ERC2: variants seen among roughly 807,000 people sequenced by gnomAD.
The protein encoded by ERC2 is ELKS/RAB6-interacting/CAST family member 2, also known as ERC protein 2.
A neutral mutation model predicts 114.8 loss-of-function variants in ERC2; 42 were observed. That is an observed-to-expected ratio of 0.37 (90% CI 0.29 to 0.47). The LOEUF (loss-of-function observed/expected upper bound fraction) is 0.47, where lower values mean the gene tolerates loss of function less well. Ranked by LOEUF, ERC2 falls within the 20% of genes least tolerant of loss-of-function variation. The probability of loss-of-function intolerance (pLI) is 0.99; values close to 1 mark genes in which losing one functional copy is unlikely to be tolerated. For missense variants in ERC2, 939 were observed against 1,150.7 expected, an observed-to-expected ratio of 0.82 and a Z score of 2.66; for synonymous variants, 454 against 425.5, an observed-to-expected ratio of 1.07 and a Z score of -0.82.
At chr3:55,911,447 T>A (rs116044604) in intron 13 of ERC2, among the ~76,000 whole-genome samples, 150 of 152,294 alleles carry the variant, frequency 9.8e-4, no homozygotes, top group African/African-American at 3.5e-3. Flanking sequence ...AGTCTGCCGC[T>A]GATGGCAGAC....
At chr3:55,761,438 G>T (rs1042537626) in intron 14 of ERC2, among the ~76,000 whole-genome samples, 1 of 151,718 alleles carries the variant, frequency 6.6e-6, no homozygotes, top group African/African-American at 2.4e-5. Flanking sequence ...TTTATCTCAG[G>T]CTTTCCATGT....
At chr3:56,212,276 TC>T (rs1553879717) in intron 3 of ERC2, among the ~76,000 whole-genome samples, 2 of 151,800 alleles carry the variant, frequency 1.3e-5, no homozygotes, top group Non-Finnish European at 2.9e-5. Flanking sequence ...CATAATCCCA[TC>T]AAAAAGTGGG....
chr3:55,618,340 A>C (rs1238130589), intron 17 of ERC2, among the ~76,000 whole-genome samples: 1 of 152,236 alleles, frequency 6.6e-6, no homozygotes, highest in African/African-American at 2.4e-5. Flanking sequence ...CACAATCTTT[A>C]TCAATATTAA....
chr3:56,256,343 CAG>C (rs1206879030), intron 3 of ERC2, among the ~76,000 whole-genome samples: 2 of 152,174 alleles, frequency 1.3e-5, no homozygotes, highest in African/African-American at 4.8e-5. Flanking sequence ...TACTGAATAA[CAG>C]AGAGTTGGAC....
intron 1 of ERC2, among the ~76,000 whole-genome samples, chr3:56,446,445 C>T (rs1486584359): frequency 6.6e-6 from 1 of 151,932 alleles, no homozygotes; most frequent in Non-Finnish European, 1.5e-5. Flanking sequence ...GGTTGTAACT[C>T]ATGAGGAAGG....
chr3:56,111,715 T>A (rs2078974472), intron 6 of ERC2, among the ~76,000 whole-genome samples: 1 of 152,184 alleles, frequency 6.6e-6, no homozygotes, highest in African/African-American at 2.4e-5. Context: ...TTACCTAACT[T>A]TACAACAGCC....
intron 2 of ERC2, among the ~76,000 whole-genome samples, chr3:56,373,882 GT>G (rs2059441426): frequency 6.6e-6 from 1 of 151,966 alleles, no homozygotes; most frequent in Non-Finnish European, 1.5e-5. Context: ...TCTTTTGTGG[GT>G]TTTTTTAAAC....
intron 12 of ERC2, among the ~76,000 whole-genome samples, chr3:55,962,722 TAC>T (rs1235425088): frequency 6.6e-6 from 1 of 152,236 alleles, no homozygotes; most frequent in African/African-American, 2.4e-5. Context: ...CGTCGAAAGT[TAC>T]AGAGCTAGTG....
intron 1 of ERC2, among the ~76,000 whole-genome samples, chr3:56,457,775 C>T (rs1161611984): frequency 6.6e-6 from 1 of 152,196 alleles, no homozygotes; most frequent in Non-Finnish European, 1.5e-5. Context: ...CTAGTGCATG[C>T]TATTCCCCCT....
intron 13 of ERC2, among the ~76,000 whole-genome samples, chr3:55,936,824 C>T (rs530001325): frequency 6.6e-6 from 1 of 152,186 alleles, no homozygotes; most frequent in South Asian, 2.1e-4. Flanking sequence ...TGAAAAACAA[C>T]ATGACATCAT....
chr3:56,428,075 A>G lies in ERC2; in HGVS notation c.657+6276T>C, dbSNP rs147722356. ...AGTGGTAGAAAAAAAGGAGCCTGGA[A>G]GAAGGTAAGTCTGAGGAGTGAGTAC... On this transcript the variant is annotated intron_variant, in intron 2 of 17. Coordinates refer to ENST00000288221, the MANE Select transcript of ERC2 (RefSeq NM_015576.3). Among the ~76,000 whole-genome samples, 645 of 152,314 alleles carry G rather than the reference A, an allele frequency of 4.2e-3. 3 individuals are homozygous for G. The highest frequency in any genetic ancestry group is 0.014 in the African/African-American group (586 of 41,560).
chr3:56,222,946 T>C (rs556591450), intron 3 of ERC2, among the ~76,000 whole-genome samples: 27 of 152,362 alleles, frequency 1.8e-4, no homozygotes, highest in African/African-American at 6.0e-4. Flanking sequence ...GTTCCCTTCG[T>C]TGGCTTCGTA....
chr3:56,350,551 A>AGG (rs2058512485), intron 2 of ERC2, among the ~76,000 whole-genome samples: 1 of 151,114 alleles, frequency 6.6e-6, no homozygotes, highest in South Asian at 2.1e-4. Context: ...GGAAAAGAAG[A>AGG]GGATATATAT....
intron 17 of ERC2, among the ~76,000 whole-genome samples, chr3:55,527,434 G>A (rs1474912040): frequency 6.6e-6 from 1 of 152,116 alleles, no homozygotes; most frequent in Non-Finnish European, 1.5e-5. Context: ...TCTAGACTTG[G>A]GGGAAAAGGA....
chr3:56,204,588 TGCC>T (rs2048603926), intron 3 of ERC2, among the ~76,000 whole-genome samples: 1 of 151,730 alleles, frequency 6.6e-6, no homozygotes, highest in African/African-American at 2.4e-5. Flanking sequence ...ACTGCAACTC[TGCC>T]TCTTGGGTTC....
intron 9 of ERC2, among the ~76,000 whole-genome samples, chr3:56,008,021 A>T (rs2072634154): frequency 6.6e-6 from 1 of 152,156 alleles, no homozygotes; most frequent in African/African-American, 2.4e-5. Context: ...TACAGAAATA[A>T]ATAACTTGCA....
At chr3:55,569,466 G>A (rs1294464637) in intron 17 of ERC2, among the ~76,000 whole-genome samples, 2 of 152,144 alleles carry the variant, frequency 1.3e-5, no homozygotes, top group East Asian at 1.9e-4. Context: ...AAAATTTAAC[G>A]AGGGCAAGAT....
intron 7 of ERC2, among the ~76,000 whole-genome samples, chr3:56,039,890 G>C (rs1355424800): frequency 6.6e-6 from 1 of 152,120 alleles, no homozygotes. Context: ...ACATGCAATA[G>C]GGGAAAGAGA....
chr3:56,422,311 A>T (rs2107241565), intron 2 of ERC2, among the ~76,000 whole-genome samples: 1 of 152,288 alleles, frequency 6.6e-6, no homozygotes, highest in Middle Eastern at 3.4e-3. Flanking sequence ...CAAAGTCACA[A>T]CCACCTGAAA....
Sources: allele counts gnomAD v4.1 joint callset (sites outside exome capture counted in the v4.1 genomes callset), GRCh38; gene constraint gnomAD v4.1.1; transcripts MANE v1.5; gene names NCBI Gene and HGNC (gene_info 2026-07-23, HGNC 2026-07-21).